Variants in ASTN2 observed in about 807,000 individuals in gnomAD.
ASTN2 encodes the protein astrotactin 2.
In ASTN2, 54 loss-of-function variants were observed where a neutral mutation model predicts 139.8. That is an observed-to-expected ratio of 0.39 (90% CI 0.31 to 0.48). The LOEUF (loss-of-function observed/expected upper bound fraction) is 0.48. Ranked by LOEUF, ASTN2 falls within the 20% of genes least tolerant of loss-of-function variation. The probability of loss-of-function intolerance (pLI) is 0.95; values close to 1 mark genes in which losing one functional copy is unlikely to be tolerated. For missense variants in ASTN2, 1,565 were observed against 1,725.1 expected (o/e 0.91, Z 1.64); for synonymous variants, 756 against 719.5 (o/e 1.05, Z -0.81).
intron 19 of ASTN2, among the ~76,000 whole-genome samples, chr9:116,581,361 T>C (rs1423608351): frequency 1.3e-5 from 2 of 152,128 alleles, no homozygotes; most frequent in African/African-American, 4.8e-5. Context: ...AGTTGACCAC[T>C]ACCTTACTTC....
intron 10 of ASTN2, among the ~76,000 whole-genome samples, chr9:116,888,427 C>T (rs1833673766): frequency 6.6e-6 from 1 of 151,244 alleles, no homozygotes; most frequent in Non-Finnish European, 1.5e-5. Flanking sequence ...TAAATATTCT[C>T]ATTTGATATG....
intron 19 of ASTN2, among the ~76,000 whole-genome samples, chr9:116,617,129 A>G (rs1361180996): frequency 2.0e-5 from 3 of 152,182 alleles, no homozygotes; most frequent in African/African-American, 4.8e-5. Flanking sequence ...TTAGCAGCCA[A>G]CTTGACTTCT....
intron 3 of ASTN2, among the ~76,000 whole-genome samples, chr9:117,203,261 T>C (rs1265609976): frequency 1.3e-5 from 2 of 152,004 alleles, no homozygotes; most frequent in South Asian, 4.1e-4. Flanking sequence ...ATTCTTAGCT[T>C]CTTTGCATTG....
chr9:116,627,846 T>C (rs1197282809), intron 17 of ASTN2, among the ~76,000 whole-genome samples: 2 of 152,220 alleles, frequency 1.3e-5, no homozygotes, highest in African/African-American at 4.8e-5. Context: ...GTTCTTTTTA[T>C]GTATTACTCC....
intron 19 of ASTN2, among the ~76,000 whole-genome samples, chr9:116,489,540 T>G (rs1849447278): frequency 6.6e-6 from 1 of 152,190 alleles, no homozygotes; most frequent in Non-Finnish European, 1.5e-5. Context: ...TCTTACCCTG[T>G]TGCTCAGGCT....
intron 8 of ASTN2, 110 bp downstream of exon 8, chr9:116,976,591 T>G (rs543602030): frequency 3.4e-6 from 3 of 893,410 alleles, no homozygotes; most frequent in Admixed American, 2.4e-5. Context: ...ACACTACTGT[T>G]GCAGAGAAAG....
chr9:117,408,665 T>C (rs1022597796), intron 1 of ASTN2, among the ~76,000 whole-genome samples: 2 of 152,160 alleles, frequency 1.3e-5, no homozygotes, highest in Non-Finnish European at 2.9e-5. Flanking sequence ...AGGAAAATGA[T>C]CAAGCCATGG....
At chr9:116,489,134 A>G (rs974723065) in intron 19 of ASTN2, among the ~76,000 whole-genome samples, 1 of 152,032 alleles carries the variant, frequency 6.6e-6, no homozygotes, top group African/African-American at 2.4e-5. Context: ...CATCCTCTCT[A>G]CCTGGGGTTA....
chr9:116,446,566 TCTC>T lies in ASTN2; in HGVS notation c.3498-4016_3498-4014del, dbSNP rs78401823. On this transcript the variant is annotated intron_variant, in intron 20 of 22. Transcript: ENST00000313400. ...CCTGACTCCTCCTCCTCCAGTGCTCTCTCCTACATTTCCATGCCCTGGCTGATC... is the reference window on the plus strand; with the variant it reads ...CCTGACTCCTCCTCCTCCAGTGCTCTCTACATTTCCATGCCCTGGCTGATC... 1.8e-3 allele frequency among the ~76,000 whole-genome samples: 279 copies of T among 152,320 alleles called. 7 individuals carry two copies. The East Asian group carries it at 0.047, about 26-fold the overall frequency.
At chr9:116,594,687 CAG>C (rs1449078763) in intron 19 of ASTN2, among the ~76,000 whole-genome samples, 1 of 152,138 alleles carries the variant, frequency 6.6e-6, no homozygotes, top group Non-Finnish European at 1.5e-5. Context: ...TCAGCTGCTG[CAG>C]AACAGCCAGA....
At chr9:116,859,105 C>A (rs137937702) in intron 11 of ASTN2, among the ~76,000 whole-genome samples, 1 of 152,216 alleles carries the variant, frequency 6.6e-6, no homozygotes, top group South Asian at 2.1e-4. Flanking sequence ...CAGCTGGCAA[C>A]GCTGCCTCTC....
intron 1 of ASTN2, among the ~76,000 whole-genome samples, chr9:117,380,940 A>G (rs1830254963): frequency 6.6e-6 from 1 of 152,224 alleles, no homozygotes; most frequent in African/African-American, 2.4e-5. Context: ...ATGTCCATGC[A>G]AAACTTGTAC....
chr9:116,846,180 T>C (rs1052260481), intron 11 of ASTN2, among the ~76,000 whole-genome samples: 1 of 152,088 alleles, frequency 6.6e-6, no homozygotes, highest in African/African-American at 2.4e-5. Flanking sequence ...GAAAGCAGAA[T>C]GGTGGTTGCC....
intron 13 of ASTN2, among the ~76,000 whole-genome samples, chr9:116,769,660 G>A (rs1198352075): frequency 6.6e-6 from 1 of 152,218 alleles, no homozygotes; most frequent in African/African-American, 2.4e-5. Context: ...AGGAAGAGAT[G>A]CAAGAATATA....
intron 4 of ASTN2, among the ~76,000 whole-genome samples, chr9:117,118,497 C>A (rs1159756579): frequency 6.6e-6 from 1 of 152,138 alleles, no homozygotes; most frequent in Non-Finnish European, 1.5e-5. Flanking sequence ...TCTATTTTAC[C>A]ACAAAATGGG....
chr9:116,758,960 C>A (rs1588269699), intron 13 of ASTN2, among the ~76,000 whole-genome samples: 1 of 152,188 alleles, frequency 6.6e-6, no homozygotes, highest in African/African-American at 2.4e-5. Context: ...GTGGTGCTAT[C>A]ATGGCTCACT....
At chr9:116,429,820 T>G (rs764308229) in intron 22 of ASTN2, among the ~76,000 whole-genome samples, 4 of 152,184 alleles carry the variant, frequency 2.6e-5, no homozygotes, top group Non-Finnish European at 5.9e-5. Flanking sequence ...TATGCTGTTC[T>G]GGGAATATAA....
intron 16 of ASTN2, among the ~76,000 whole-genome samples, chr9:116,702,287 T>C (rs1245314216): frequency 6.6e-6 from 1 of 152,008 alleles, no homozygotes; most frequent in East Asian, 1.9e-4. Flanking sequence ...TGTTACTCTT[T>C]TATCTAGTTG....
Position 117,039,822 on chromosome 9 carries a change from C to A in ASTN2, c.1420G>T (p.Asp474Tyr), listed in dbSNP as rs1316004084. The A allele has an allele frequency of 6.2e-7, 1 of 1,612,338 alleles. No individual in the cohort carries two copies. Among genetic ancestry groups the A allele is most frequent in the Admixed American group, 1.7e-5 (1 of 59,874 alleles). Residue 474 changes from aspartate (D) to tyrosine (Y), a missense_variant, in exon 6 of 23, where the codon GAT becomes TAT. This residue lies in a region of ASTN2 where 503 missense variants were observed against 591.7 expected (regional missense o/e 0.85). Coordinates refer to ENST00000313400, the MANE Select transcript of ASTN2 (RefSeq NM_001365068.1). ...TLHVPEHFIADGSSFVVSEGS... is the reference protein window; with the variant it reads ...TLHVPEHFIAYGSSFVVSEGS... ...ATCTGCAATGCTCGGCTCTTACCAT[C>A]TGCTATGAAGTGCTCGGGCACATGC... is the stretch of plus-strand genomic sequence containing the variant.
Sources: allele counts gnomAD v4.1 joint callset (sites outside exome capture counted in the v4.1 genomes callset), GRCh38; gene constraint gnomAD v4.1.1; regional missense constraint gnomAD v4.1.1; transcripts MANE v1.5; gene names NCBI Gene and HGNC (gene_info 2026-07-23, HGNC 2026-07-21).